The following COL10A1 variants were observed in gnomAD, a reference collection of about 807,000 sequenced individuals.
The protein encoded by COL10A1 is collagen type X alpha 1 chain.
In COL10A1, 10 loss-of-function variants were observed where a neutral mutation model predicts 18.2. The observed-to-expected ratio is 0.55, with a 90% CI of 0.34 to 0.93. The LOEUF (loss-of-function observed/expected upper bound fraction) is 0.93, where lower values mean the gene tolerates loss of function less well. Among genes scored for constraint, COL10A1 ranks in the 40% least tolerant of loss-of-function variants. The pLI, the probability that COL10A1 is intolerant of heterozygous loss-of-function variation, is 0.02. For synonymous variants in COL10A1, 330 were observed against 316.6 expected, an observed-to-expected ratio of 1.04 and a Z score of -0.45; for missense variants, 897 against 853.5, an observed-to-expected ratio of 1.05 and a Z score of -0.64.
chr6:116,194,891 A>G, the COL10A1 span, among the ~76,000 whole-genome samples: 5 of 152,052 alleles, frequency 3.3e-5, no homozygotes, highest in Non-Finnish European at 7.4e-5. Flanking sequence ...AGTTTGATAC[A>G]AGCATATTTT....
chr6:116,183,133 C>A, the COL10A1 span, among the ~76,000 whole-genome samples: 1 of 152,054 alleles, frequency 6.6e-6, no homozygotes, highest in Non-Finnish European at 1.5e-5. Context: ...AATAGGGTAT[C>A]CTTTCTCCAC....
intron 1 of COL10A1, among the ~76,000 whole-genome samples, chr6:116,154,344 G>A (rs1780126969): frequency 6.6e-6 from 1 of 152,102 alleles, no homozygotes; most frequent in Admixed American, 6.6e-5. Context: ...TTCTGTTCCT[G>A]TATCCTAACA....
At chr6:116,214,272 A>G in the COL10A1 span, among the ~76,000 whole-genome samples, 1 of 152,124 alleles carries the variant, frequency 6.6e-6, no homozygotes, top group Admixed American at 6.5e-5. Context: ...ACAGTTCATC[A>G]GGTCTTTATT....
In COL10A1 at chr6:116,120,306, G is replaced by T; in HGVS notation, c.1810C>A (p.His604Asn). ...PGIYYFSYHV[H>N]VKGTHVWVGL... Reference sequence around the variant, plus strand: ...ACCCAAACATGAGTCCCTTTCACATGCACGTGGTATGAAAAATAGTATATT... The same window carrying T: ...ACCCAAACATGAGTCCCTTTCACATTCACGTGGTATGAAAAATAGTATATT... Residue 604 changes from histidine (H) to asparagine (N), a missense_variant, in exon 3 of 3, where the codon CAT (histidine) becomes AAT (asparagine). Coordinates refer to ENST00000651968, the MANE Select transcript of COL10A1 (RefSeq NM_000493.4). 1 of 1,614,162 alleles carries T rather than the reference G, an allele frequency of 6.2e-7. No individual in the cohort carries two copies.
the COL10A1 span, among the ~76,000 whole-genome samples, chr6:116,182,222 A>AGAGTGTGTGT: frequency 3.2e-5 from 4 of 124,606 alleles, no homozygotes; most frequent in South Asian, 2.8e-4. Context: ...TTCCATGGAG[A>AGAGTGTGTGT]GTGTGTGTGT....
the COL10A1 span, among the ~76,000 whole-genome samples, chr6:116,168,753 G>T: frequency 1.3e-5 from 2 of 151,942 alleles, no homozygotes; most frequent in African/African-American, 4.8e-5. Context: ...TCTACAGAGA[G>T]TACTTTTCTA....
intron 2 of COL10A1, 84 bp from the exon 3 acceptor site, chr6:116,122,045 T>G: frequency 8.8e-7 from 1 of 1,139,048 alleles, no homozygotes; most frequent in Non-Finnish European, 1.3e-6. Context: ...AAACTATGAA[T>G]TGGGACACGA....
At chr6:116,135,880 TACAC>T (rs1233709021) in intron 1 of COL10A1, among the ~76,000 whole-genome samples, 6 of 123,196 alleles carry the variant, frequency 4.9e-5, no homozygotes, top group South Asian at 2.8e-4. Context: ...TATACACACA[TACAC>T]ACACATTGCT....
In COL10A1 at chr6:116,148,539, A is replaced by C. The variant is rs931435096; in HGVS notation, c.-16+10075T>G. Among the ~76,000 whole-genome samples the C allele has an allele frequency of 2.0e-5, 3 of 152,156 alleles. No homozygotes were observed. The East Asian group carries it at 5.8e-4, about 29-fold the overall frequency. ...ATCGTCACTGTGGATGTTGATTTTC[A>C]TTGTACTCAGAATGTGAACATGTTA... On this transcript the variant is annotated intron_variant, in intron 1 of 1. Coordinates refer to the COL10A1 transcript ENST00000418500.
chr6:116,139,972 G>A (rs921335457), intron 1 of COL10A1, among the ~76,000 whole-genome samples: 5 of 152,054 alleles, frequency 3.3e-5, no homozygotes, highest in Non-Finnish European at 5.9e-5. Context: ...CATGTGTCAG[G>A]TGTTTTGCTT....
intron 1 of COL10A1, among the ~76,000 whole-genome samples, chr6:116,133,101 A>G (rs952808833): frequency 2.0e-5 from 3 of 152,292 alleles, no homozygotes; most frequent in African/African-American, 7.2e-5. Flanking sequence ...GTTTTCCGTT[A>G]TACACAAATT....
At chr6:116,190,643 C>G in the COL10A1 span, among the ~76,000 whole-genome samples, 2 of 152,018 alleles carry the variant, frequency 1.3e-5, no homozygotes, top group Non-Finnish European at 2.9e-5. Context: ...CACAACTCTG[C>G]TTTATTGGAT....
chr6:116,202,984 A>G, the COL10A1 span, among the ~76,000 whole-genome samples: 4 of 152,000 alleles, frequency 2.6e-5, no homozygotes, highest in Non-Finnish European at 1.5e-5. Flanking sequence ...TTTTCCAAAC[A>G]TGGTTTTTCA....
chr6:116,182,942 CTT>C, the COL10A1 span, among the ~76,000 whole-genome samples: 2 of 152,050 alleles, frequency 1.3e-5, no homozygotes, highest in Admixed American at 6.6e-5. Flanking sequence ...ATCATGAAGT[CTT>C]TGCCTAAACC....
chr6:116,162,114 G>A (rs983827770), upstream of COL10A1, among the ~76,000 whole-genome samples: 2 of 152,110 alleles, frequency 1.3e-5, no homozygotes, highest in African/African-American at 4.8e-5. Context: ...ACTGATTATG[G>A]TGTGTTAATT....
chr6:116,147,695 A>C (rs1779933319), intron 1 of COL10A1, among the ~76,000 whole-genome samples: 1 of 152,242 alleles, frequency 6.6e-6, no homozygotes, highest in Non-Finnish European at 1.5e-5. Context: ...ATAAACTTTA[A>C]AAATGTTAAA....
intron 1 of COL10A1, among the ~76,000 whole-genome samples, chr6:116,146,716 T>TCATG (rs1423761842): frequency 1.3e-5 from 2 of 152,116 alleles, no homozygotes; most frequent in Admixed American, 6.5e-5. Context: ...TGTTTAAGTG[T>TCATG]CATGGTATTC....
chr6:116,144,013 CATT>C (rs1346737300), intron 1 of COL10A1, among the ~76,000 whole-genome samples: 2 of 152,226 alleles, frequency 1.3e-5, no homozygotes, highest in South Asian at 4.1e-4. Flanking sequence ...GGAGCTTTAT[CATT>C]ATGATTTTTC....
chr6:116,163,141 A>AAAAAAAAAAAAATATAT (rs761718922), upstream of COL10A1, among the ~76,000 whole-genome samples: 5 of 88,400 alleles, frequency 5.7e-5, no homozygotes, highest in Admixed American at 3.8e-4. Flanking sequence ...AAAAAAAAAA[A>AAAAAAAAAAAAATATAT]ATATATATAT....
Sources: gnomAD v4.1 joint callset for allele counts (sites outside exome capture counted in the v4.1 genomes callset) on GRCh38, gnomAD v4.1.1 for gene constraint, MANE v1.5 for transcripts, NCBI Gene and HGNC (gene_info 2026-07-23, HGNC 2026-07-21) for gene names.